The following CDH20 variants were observed in gnomAD, a reference collection of about 807,000 sequenced individuals.
CDH20 encodes the protein cadherin 20.
CDH20 carries 29 observed loss-of-function variants against 74.2 expected under a neutral mutation model. The observed-to-expected ratio is 0.39, with a 90% confidence interval of 0.29 to 0.53. The LOEUF is 0.53. CDH20 is among the 20% of genes least tolerant of loss of function. The pLI is 0.69. For missense variants in CDH20, 988 were observed against 1,048.3 expected, an observed-to-expected ratio of 0.94 and a Z score of 0.79; for synonymous variants, 469 against 405.4, an observed-to-expected ratio of 1.16 and a Z score of -1.88.
At chr18:61,346,011 T>C (rs891834653) in intron 1 of CDH20, among the ~76,000 whole-genome samples, 1 of 152,214 alleles carries the variant, frequency 6.6e-6, no homozygotes, top group African/African-American at 2.4e-5. Flanking sequence ...TCCAAGTTCC[T>C]TGAGCCAATG....
intron 10 of CDH20, among the ~76,000 whole-genome samples, chr18:61,545,380 T>C (rs997723183): frequency 2.6e-5 from 4 of 151,946 alleles, no homozygotes; most frequent in Middle Eastern, 3.4e-3. Context: ...AGTGCTAGTA[T>C]TACAGACATG....
chr18:61,363,952 G>A (rs1254962812), intron 1 of CDH20, among the ~76,000 whole-genome samples: 1 of 152,124 alleles, frequency 6.6e-6, no homozygotes, highest in African/African-American at 2.4e-5. Flanking sequence ...GAAAGAAAGG[G>A]AAGCACTAGT....
chr18:61,465,937 G>A (rs771179772), intron 1 of CDH20, among the ~76,000 whole-genome samples: 55 of 152,136 alleles, frequency 3.6e-4, no homozygotes, highest in Non-Finnish European at 4.7e-4. Flanking sequence ...ATATAGGCCC[G>A]TAGTCTCAGC....
At chr18:61,524,729 T>A (rs1272766178) in intron 6 of CDH20, among the ~76,000 whole-genome samples, 1 of 152,160 alleles carries the variant, frequency 6.6e-6, no homozygotes, top group Non-Finnish European at 1.5e-5. Context: ...AAGACCAGCC[T>A]GGCCCACATG....
intron 1 of CDH20, among the ~76,000 whole-genome samples, chr18:61,466,624 C>T (rs930583141): frequency 2.0e-5 from 3 of 152,206 alleles, no homozygotes; most frequent in Admixed American, 1.3e-4. Context: ...GGATCCACAA[C>T]TTGAGGCCAG....
chr18:61,474,162 G>A (rs77022270), intron 1 of CDH20, among the ~76,000 whole-genome samples: 11 of 152,002 alleles, frequency 7.2e-5, no homozygotes, highest in Non-Finnish European at 1.5e-4. Flanking sequence ...ACTCTCTACC[G>A]AAAGAAGGGC....
chr18:61,508,620 G>A (rs1431799360), intron 6 of CDH20, among the ~76,000 whole-genome samples: 1 of 149,972 alleles, frequency 6.7e-6, no homozygotes, highest in African/African-American at 2.4e-5. Context: ...TGAGATTGGA[G>A]ACTATTATTA....
chr18:61,392,139 C>T (rs1911805774), intron 1 of CDH20, among the ~76,000 whole-genome samples: 1 of 152,140 alleles, frequency 6.6e-6, no homozygotes, highest in South Asian at 2.1e-4. Flanking sequence ...GCCTCTCTCT[C>T]CCACTTGCTC....
chr18:61,363,786 C>A (rs769123804), intron 1 of CDH20, among the ~76,000 whole-genome samples: 15 of 152,318 alleles, frequency 9.8e-5, no homozygotes, highest in African/African-American at 3.6e-4. Context: ...ATGGTAGTAA[C>A]AGCCTTTTAT....
chr18:61,342,464 A>G (rs1909984458), intron 1 of CDH20, among the ~76,000 whole-genome samples: 2 of 152,220 alleles, frequency 1.3e-5, no homozygotes, highest in South Asian at 4.1e-4. Context: ...TTCACCACTC[A>G]GTTCTACTGC....
At chr18:61,552,880 A>C (rs1913483303) in intron 11 of CDH20, among the ~76,000 whole-genome samples, 1 of 151,826 alleles carries the variant, frequency 6.6e-6, no homozygotes, top group South Asian at 2.1e-4. Flanking sequence ...TCACACTCCA[A>C]CCTTTCAGGC....
chr18:61,469,394 CA>C (rs1910080624), intron 1 of CDH20, among the ~76,000 whole-genome samples: 1 of 151,698 alleles, frequency 6.6e-6, no homozygotes, highest in East Asian at 1.9e-4. Flanking sequence ...CACACACACA[CA>C]CACACACACC....
chr18:61,358,703 T>C (rs1347705342), intron 1 of CDH20, among the ~76,000 whole-genome samples: 1 of 152,192 alleles, frequency 6.6e-6, no homozygotes, highest in Non-Finnish European at 1.5e-5. Context: ...CTGAAATGAA[T>C]AATACCATAA....
chr18:61,347,893 G>A (rs1473178842), intron 1 of CDH20, among the ~76,000 whole-genome samples: 5 of 146,484 alleles, frequency 3.4e-5, no homozygotes, highest in African/African-American at 9.7e-5. Flanking sequence ...TAAAACTCAC[G>A]ATGTATTTTT....
intron 1 of CDH20, among the ~76,000 whole-genome samples, chr18:61,388,467 C>T (rs1044764503): frequency 6.6e-6 from 1 of 152,136 alleles, no homozygotes; most frequent in Non-Finnish European, 1.5e-5. Context: ...CTGCATGCCT[C>T]ATCTGTCTCA....
intron 1 of CDH20, among the ~76,000 whole-genome samples, chr18:61,487,645 G>T (rs965476549): frequency 6.6e-6 from 1 of 152,174 alleles, no homozygotes; most frequent in African/African-American, 2.4e-5. Flanking sequence ...CAGTGGAGGG[G>T]AGGAAAATAA....
chr18:61,381,611 A>T (rs966288320), intron 1 of CDH20, among the ~76,000 whole-genome samples: 1 of 152,250 alleles, frequency 6.6e-6, no homozygotes, highest in South Asian at 2.1e-4. Flanking sequence ...TCTATGGGAA[A>T]GTAATTTCAA....
At position 61,545,127 on chromosome 18, in the gene CDH20, C is replaced by T; in HGVS notation, c.1631C>T (p.Thr544Ile). Reference protein sequence around the residue: ...APEAANNPNFTIRDNQDNTAR... With the variant: ...APEAANNPNFIIRDNQDNTAR... ...GAGGCTGCTAACAACCCCAACTTTA[C>T]CATAAGGGACAACCAAGGTAATCAG... The change falls in exon 10 of 12, where the codon ACC becomes ATC. Residue 544 changes from threonine (T) to isoleucine (I), a missense_variant. Physicochemically the swap from Thr to Ile is moderately conservative, Grantham distance 89. Around this residue, in one of 2 missense-constraint regions of CDH20, gnomAD observed 613 missense variants for 755.2 expected, o/e 0.81. Coordinates refer to ENST00000262717, the MANE Select transcript of CDH20 (RefSeq NM_031891.4). 1 of 1,610,302 alleles carries T rather than the reference C, an allele frequency of 6.2e-7. No individual in the cohort carries two copies. The highest frequency in any genetic ancestry group is 8.5e-7 in the Non-Finnish European group (1 of 1,176,576).
At chr18:61,542,395 G>GT (rs1477071831) in intron 9 of CDH20, among the ~76,000 whole-genome samples, 4 of 152,188 alleles carry the variant, frequency 2.6e-5, no homozygotes, top group Admixed American at 1.3e-4. Flanking sequence ...AGTATAAGGT[G>GT]TTTATTAAGG....
Sources: gnomAD v4.1 joint callset for allele counts (sites outside exome capture counted in the v4.1 genomes callset) on GRCh38, gnomAD v4.1.1 for gene constraint, gnomAD v4.1.1 regional missense constraint, MANE v1.5 for transcripts, NCBI Gene and HGNC (gene_info 2026-07-23, HGNC 2026-07-21) for gene names.